Variants in IL5RA observed in about 807,000 individuals in gnomAD.
IL5RA encodes interleukin 5 receptor subunit alpha, also known as interleukin-5 receptor subunit alpha.
In IL5RA, 49 loss-of-function variants were observed where a neutral mutation model predicts 50.0. The observed-to-expected ratio is 0.98, with a 90% CI of 0.78 to 1.24. The LOEUF (loss-of-function observed/expected upper bound fraction) is 1.24. Among genes scored for constraint, IL5RA ranks in the 50% most tolerant of loss-of-function variants. The probability of loss-of-function intolerance (pLI) is 0.00; values close to 1 mark genes in which losing one functional copy is unlikely to be tolerated. For missense variants in IL5RA, 600 were observed against 500.4 expected (o/e 1.20, Z -1.90); for synonymous variants, 202 against 174.0 (o/e 1.16, Z -1.26).
In IL5RA at chr3:3,069,788, G is replaced by T; in HGVS notation, c.*437C>A. The T allele has an allele frequency of 6.2e-6, 1 of 161,440 alleles. No individual in the cohort carries two copies. Among genetic ancestry groups the T allele is most frequent in the Non-Finnish European group, 1.3e-5 (1 of 74,352 alleles). 10.0% of individuals were successfully genotyped at this position (161,440 alleles called of 1,614,324 possible). The stretch of plus-strand genomic sequence containing the variant: ...CCAAGTTCATGGTTCACTCCAGGCT[G>T]ATGCAAAATGCTTTCTTCCTCAGAT... On this transcript the variant is annotated 3_prime_UTR_variant, in exon 12 of 12. Coordinates refer to ENST00000446632, the MANE Select transcript of IL5RA (RefSeq NM_175726.4).
chr3:3,086,657 A>AC (rs1013552666), intron 9 of IL5RA, among the ~76,000 whole-genome samples: 80 of 148,724 alleles, frequency 5.4e-4, no homozygotes, highest in African/African-American at 2.0e-3. Flanking sequence ...ACATAGTGAG[A>AC]CCCCTCATCT....
At chr3:3,070,363 C>A in intron 11 of IL5RA, 52 bp from the exon 12 acceptor site, 1 of 1,096,316 alleles carries the variant, frequency 9.1e-7, no homozygotes, top group South Asian at 1.3e-5. Flanking sequence ...CTTTTGGGTT[C>A]TTTGAAATCT....
chr3:3,080,029 C>T (rs541817695), intron 9 of IL5RA, among the ~76,000 whole-genome samples: 1 of 151,302 alleles, frequency 6.6e-6, no homozygotes, highest in East Asian at 1.9e-4. Flanking sequence ...AAGACACTGT[C>T]TCGAAAAAAA....
At chr3:3,074,546 A>T (rs1702411922) in intron 11 of IL5RA, among the ~76,000 whole-genome samples, 1 of 152,166 alleles carries the variant, frequency 6.6e-6, no homozygotes, top group African/African-American at 2.4e-5. Context: ...AGGTGGGAGG[A>T]TCGCTTAGAC....
At chr3:3,081,065 C>T (rs6809323) in intron 9 of IL5RA, among the ~76,000 whole-genome samples, 3,075 of 152,114 alleles carry the variant, frequency 0.02, 42 homozygotes, top group Middle Eastern at 0.041. Flanking sequence ...TACAAAAAGG[C>T]ATTAGCCACA....
At chr3:3,074,101 C>A (rs929156815) in intron 11 of IL5RA, among the ~76,000 whole-genome samples, 8 of 152,336 alleles carry the variant, frequency 5.3e-5, no homozygotes, top group African/African-American at 1.7e-4. Flanking sequence ...AACTAAGTGA[C>A]CACTGGGCTG....
At chr3:3,081,193 C>G (rs1202605032) in intron 9 of IL5RA, among the ~76,000 whole-genome samples, 1 of 152,154 alleles carries the variant, frequency 6.6e-6, no homozygotes, top group African/African-American at 2.4e-5. Context: ...GAACTGAGGG[C>G]TCTGTTAGAC....
chr3:3,070,573 A>AT (rs1559858173), intron 11 of IL5RA, among the ~76,000 whole-genome samples: 1 of 106,230 alleles, frequency 9.4e-6, no homozygotes, highest in African/African-American at 4.2e-5. Flanking sequence ...ATGGATACAC[A>AT]TCTTTTTTTT....
Position 3,068,865 on chromosome 3 carries a change from T to G in IL5RA, c.*1360A>C, listed in dbSNP as rs1574969745. On this transcript the variant is annotated 3_prime_UTR_variant, in exon 12 of 12. Coordinates refer to ENST00000446632, the MANE Select transcript of IL5RA (RefSeq NM_175726.4). ...TATAAAATGGGACAGTAATACAGAT[T>G]ACTATAAGACAGTGCAGGCTTGTCA... 6.6e-6 allele frequency: 1 copy of G among 152,168 alleles called. No homozygotes were observed. Among genetic ancestry groups the G allele is most frequent in the Non-Finnish European group, 1.5e-5 (1 of 68,042 alleles). The allele number at this position is 152,168 out of a possible 1,614,324, so 9.4% of individuals were successfully genotyped here. A position where few individuals can be genotyped will look rare whatever the true frequency, so the allele number is the denominator to read the frequency against.
rs557067360 is a variant in IL5RA, at chr3:3,110,311, T to C, written c.-512A>G. ...TTCAGGAGTGGGAATTAACTTTTACTCATGGTGACAAGGTAAACAAGTTTT... is the reference window on the plus strand; with the variant it reads ...TTCAGGAGTGGGAATTAACTTTTACCCATGGTGACAAGGTAAACAAGTTTT... On this transcript the variant is annotated 5_prime_UTR_variant, in exon 1 of 12. An upstream open reading frame in the 5' UTR loses its in-frame stop. Coordinates refer to ENST00000446632, the MANE Select transcript of IL5RA (RefSeq NM_175726.4). 1 of 152,346 alleles carries C rather than the reference T, an allele frequency of 6.6e-6. No individual in the cohort carries two copies. Among genetic ancestry groups the C allele is most frequent in the Admixed American group, 6.5e-5 (1 of 15,296 alleles). The allele number at this position is 152,346 out of a possible 1,614,324, so 9.4% of individuals were successfully genotyped here. A position where few individuals can be genotyped will look rare whatever the true frequency, so the allele number is the denominator to read the frequency against.
intron 9 of IL5RA, among the ~76,000 whole-genome samples, chr3:3,080,255 C>T (rs986588421): frequency 2.0e-5 from 3 of 152,142 alleles, no homozygotes; most frequent in African/African-American, 4.8e-5. Context: ...ATTCTTACAG[C>T]GATGCTTTGA....
intron 11 of IL5RA, among the ~76,000 whole-genome samples, chr3:3,072,649 G>A (rs946388703): frequency 1.3e-5 from 2 of 152,228 alleles, no homozygotes; most frequent in Admixed American, 6.5e-5. Context: ...GCTGGGTGCA[G>A]TGGCTCATGC....
In IL5RA at chr3:3,082,652, G is replaced by A. The variant is rs114217048; in HGVS notation, c.995-6025C>T. Among the ~76,000 whole-genome samples, 765 of 152,302 alleles carry A rather than the reference G, an allele frequency of 5.0e-3. 5 individuals are homozygous for A. The highest frequency in any genetic ancestry group is 0.018 in the African/African-American group (735 of 41,566). On this transcript the variant is annotated intron_variant, in intron 9 of 11. Coordinates refer to ENST00000446632, the MANE Select transcript of IL5RA (RefSeq NM_175726.4). ...GAATGTATATGGAGTGGGACATGGG[G>A]TGCAGGTGGGCTGGGACAGTGGCAA...
At chr3:3,105,595 T>G (rs1026072752) in intron 2 of IL5RA, 1 of 151,494 alleles carries the variant, frequency 6.6e-6, no homozygotes, top group Non-Finnish European at 1.5e-5. Context: ...GAAGAGTGTT[T>G]TTTTTGTTTG....
At chr3:3,085,930 T>G (rs1204221787) in intron 9 of IL5RA, among the ~76,000 whole-genome samples, 1 of 148,040 alleles carries the variant, frequency 6.8e-6, no homozygotes, top group African/African-American at 2.7e-5. Context: ...ACCTCATGAA[T>G]GAGTGATCTG....
chr3:3,074,869 G>A lies in IL5RA; in HGVS notation c.1092-3C>T. ...ACAACTTGATCCATAAATGACATCT[G>A]AAAACAGAGTAAAGAAGGAATTAGG... On this transcript the variant is annotated splice_polypyrimidine_tract_variant and splice_region_variant and intron_variant, in intron 10 of 11. Transcript: ENST00000446632. 2 of 1,584,242 alleles carry A rather than the reference G, an allele frequency of 1.3e-6. No individual in the cohort carries two copies. The highest frequency in any genetic ancestry group is 1.7e-6 in the Non-Finnish European group (2 of 1,152,968).
chr3:3,107,804 C>G (rs1201655645), intron 2 of IL5RA, among the ~76,000 whole-genome samples: 2 of 152,178 alleles, frequency 1.3e-5, no homozygotes, highest in Non-Finnish European at 2.9e-5. Flanking sequence ...CAACCACAGT[C>G]TCCTTCCCTA....
At chr3:3,099,628 C>G (rs1703542675) in intron 5 of IL5RA, among the ~76,000 whole-genome samples, 1 of 149,496 alleles carries the variant, frequency 6.7e-6, no homozygotes, top group African/African-American at 2.5e-5. Flanking sequence ...GACCCTGTCT[C>G]AAAAAACAAA....
At chr3:3,101,414 A>C (rs952018145) in intron 5 of IL5RA, among the ~76,000 whole-genome samples, 59 of 152,150 alleles carry the variant, frequency 3.9e-4, no homozygotes, top group African/African-American at 1.4e-3. Context: ...TAAGTGTTTG[A>C]TCAGAAGTAT....
Sources: allele counts gnomAD v4.1 joint callset (sites outside exome capture counted in the v4.1 genomes callset), GRCh38; gene constraint gnomAD v4.1.1; transcripts MANE v1.5; gene names NCBI Gene and HGNC (gene_info 2026-07-23, HGNC 2026-07-21).